PRR5L: variants seen among roughly 807,000 people sequenced by gnomAD.
PRR5L encodes the protein proline rich 5 like, also known as proline-rich protein 5-like.
In PRR5L, 21 loss-of-function variants were observed where a neutral mutation model predicts 36.4. That is an observed-to-expected ratio of 0.58 (90% CI 0.41 to 0.83). PRR5L has a LOEUF of 0.83. Ranked by LOEUF, PRR5L falls within the 40% of genes least tolerant of loss-of-function variation. The pLI is 0.00. For synonymous variants in PRR5L, 188 were observed against 197.0 expected, an observed-to-expected ratio of 0.95 and a Z score of 0.38; for missense variants, 381 against 473.3, an observed-to-expected ratio of 0.80 and a Z score of 1.81.
chr11:36,298,018 C>A (rs935295077), intron 1 of PRR5L, among the ~76,000 whole-genome samples: 3 of 152,210 alleles, frequency 2.0e-5, no homozygotes, highest in Non-Finnish European at 4.4e-5. Context: ...TCTCTCTAGG[C>A]ACAATCTTGT....
rs1856849410 is a variant in PRR5L, at chr11:36,344,935, C to A, written c.-126+48497C>A. On this transcript the variant is annotated intron_variant, in intron 1 of 8. Coordinates refer to ENST00000530639, the MANE Select transcript of PRR5L (RefSeq NM_001160167.2). The surrounding 1 kb of genome is among the most constrained non-coding windows in gnomAD (Gnocchi z 4.1). Reference sequence around the variant, plus strand: ...TGTTAAAATTTAGCAACAACAAAGTCATCAAATTTTCAGGCAGGGGCCAGA... The same window carrying A: ...TGTTAAAATTTAGCAACAACAAAGTAATCAAATTTTCAGGCAGGGGCCAGA... Among the ~76,000 whole-genome samples, 2 of 152,264 alleles carry A rather than the reference C, an allele frequency of 1.3e-5. No homozygotes were observed. The highest frequency in any genetic ancestry group is 4.1e-4 in the South Asian group (2 of 4,830).
chr11:36,417,431 C>CT (rs1369864516), intron 3 of PRR5L, among the ~76,000 whole-genome samples: 1 of 152,192 alleles, frequency 6.6e-6, no homozygotes, highest in East Asian at 1.9e-4. Flanking sequence ...GCCTCAAAGA[C>CT]TAGTGATGCC....
chr11:36,450,285 C>G (rs534764917), intron 7 of PRR5L, among the ~76,000 whole-genome samples: 21 of 152,172 alleles, frequency 1.4e-4, no homozygotes, highest in Non-Finnish European at 2.6e-4. Flanking sequence ...TACTCCATTT[C>G]GAGAATTTGC....
intron 3 of PRR5L, among the ~76,000 whole-genome samples, chr11:36,417,919 T>G (rs1858180686): frequency 6.6e-6 from 1 of 152,240 alleles, no homozygotes; most frequent in Non-Finnish European, 1.5e-5. Flanking sequence ...TCACTGGATC[T>G]GGGGAGCCAG....
At chr11:36,376,276 G>C (rs1857257137) in intron 1 of PRR5L, 2 of 1,170,310 alleles carry the variant, frequency 1.7e-6, no homozygotes, top group African/African-American at 3.3e-5. Context: ...AAAGCTAGGT[G>C]CCCGGGACAG....
chr11:36,422,025 C>T lies in PRR5L; in HGVS notation c.294+2722C>T, dbSNP rs560548487. Among the ~76,000 whole-genome samples, 29 of 152,232 alleles carry T rather than the reference C, an allele frequency of 1.9e-4. No homozygotes were observed. In the South Asian group the frequency reaches 5.2e-3, roughly 27 times the overall value. ...ATGTTGCTGTGGTTTCTGTTTTAAA[C>T]GTATTTACTTGTTTAAAAAGTGGAT... is the stretch of plus-strand genomic sequence containing the variant. On this transcript the variant is annotated intron_variant, in intron 4 of 8. Transcript: ENST00000530639.
At chr11:36,309,400 T>A (rs935100699) in intron 1 of PRR5L, among the ~76,000 whole-genome samples, 29 of 152,342 alleles carry the variant, frequency 1.9e-4, no homozygotes, top group African/African-American at 6.3e-4. Flanking sequence ...GTCTGTGGCT[T>A]CAGGCATGTC....
intron 8 of PRR5L, among the ~76,000 whole-genome samples, chr11:36,461,320 G>T (rs1417547130): frequency 6.6e-6 from 1 of 152,148 alleles, no homozygotes; most frequent in East Asian, 1.9e-4. Context: ...AACATGATGA[G>T]AATTCAAAAG....
chr11:36,322,576 C>T (rs1313386469), intron 1 of PRR5L, among the ~76,000 whole-genome samples: 1 of 152,172 alleles, frequency 6.6e-6, no homozygotes, highest in Non-Finnish European at 1.5e-5. Context: ...TGCACCACCA[C>T]CCACCTCTGG....
At chr11:36,428,011 C>A (rs911115602) in intron 4 of PRR5L, among the ~76,000 whole-genome samples, 7 of 152,212 alleles carry the variant, frequency 4.6e-5, no homozygotes, top group African/African-American at 1.7e-4. Flanking sequence ...GCAGCAATTG[C>A]ACTGCAGCAC....
In PRR5L at chr11:36,451,101, A is replaced by G; in HGVS notation, c.586-108A>G. 7 of 1,385,906 alleles carry G rather than the reference A, an allele frequency of 5.1e-6. No individual in the cohort carries two copies. In the South Asian group the frequency reaches 9.3e-5, roughly 18 times the overall value. The allele number at this position is 1,385,906 out of a possible 1,614,324, so 85.9% of individuals were successfully genotyped here. ...ACTGCAAGGATGCTGCCTGCCAGCA[A>G]CACAGCCTTGTACATTGGAGGAGGA... On this transcript the variant is annotated intron_variant, in intron 7 of 8. Transcript: ENST00000530639.
intron 4 of PRR5L, chr11:36,426,213 G>C (rs1394844185): frequency 6.6e-6 from 1 of 152,254 alleles, no homozygotes; most frequent in Non-Finnish European, 1.5e-5. Context: ...TCTAAGGCAG[G>C]AGAGCATGAT....
At chr11:36,448,618 T>C (rs975979272) in intron 7 of PRR5L, among the ~76,000 whole-genome samples, 9 of 152,278 alleles carry the variant, frequency 5.9e-5, no homozygotes, top group Admixed American at 5.9e-4. Context: ...CCAGGGAATA[T>C]AGCACCAGCT....
At chr11:36,317,379 G>T (rs1032331382) in intron 1 of PRR5L, among the ~76,000 whole-genome samples, 1 of 152,234 alleles carries the variant, frequency 6.6e-6, no homozygotes, top group Non-Finnish European at 1.5e-5. Flanking sequence ...CTGTCTAGTA[G>T]AATTGTGAGG....
chr11:36,456,816 G>A (rs1240163431), intron 8 of PRR5L, among the ~76,000 whole-genome samples: 4 of 152,250 alleles, frequency 2.6e-5, no homozygotes, highest in Admixed American at 6.5e-5. Flanking sequence ...TACATGCATG[G>A]AGGTACACAA....
At chr11:36,401,366 T>C in intron 2 of PRR5L, 81 bp downstream of exon 2, 1 of 1,348,244 alleles carries the variant, frequency 7.4e-7, no homozygotes, top group Non-Finnish European at 1.0e-6. Flanking sequence ...CTGACTGAGC[T>C]TCTGCTGATT....
intron 1 of PRR5L, among the ~76,000 whole-genome samples, chr11:36,348,385 C>T (rs1018914081): frequency 2.0e-5 from 3 of 152,076 alleles, no homozygotes; most frequent in African/African-American, 7.2e-5. Flanking sequence ...GGATGTAAAT[C>T]GAAGGTGACA....
chr11:36,323,336 G>A (rs1002069998), intron 1 of PRR5L: 1 of 152,214 alleles, frequency 6.6e-6, no homozygotes, highest in Non-Finnish European at 1.5e-5. Context: ...TCTTTATTGT[G>A]TTACCTGTTA....
intron 1 of PRR5L, among the ~76,000 whole-genome samples, chr11:36,310,036 C>T (rs1331949930): frequency 3.4e-5 from 1 of 29,018 alleles, no homozygotes; most frequent in Admixed American, 3.9e-4. Context: ...CCATCCTGAC[C>T]TGGAAGCCTG....
Sources: gnomAD v4.1 joint callset for allele counts (sites outside exome capture counted in the v4.1 genomes callset) on GRCh38, gnomAD v4.1.1 for gene constraint, Gnocchi (gnomAD v3.1) non-coding constraint, MANE v1.5 for transcripts, NCBI Gene and HGNC (gene_info 2026-07-23, HGNC 2026-07-21) for gene names.